TRAF3IP1: variants seen among roughly 807,000 people sequenced by gnomAD.
TRAF3IP1 encodes TRAF3-interacting protein 1.
Under a neutral mutation model 89.9 loss-of-function variants are expected in TRAF3IP1, and 53 were observed. The observed-to-expected ratio is 0.59, with a 90% confidence interval of 0.47 to 0.74. TRAF3IP1 has a LOEUF of 0.74. Ranked by LOEUF, TRAF3IP1 falls within the 30% of genes least tolerant of loss-of-function variation. The pLI, the probability that TRAF3IP1 is intolerant of heterozygous loss-of-function variation, is 0.00. For synonymous variants in TRAF3IP1, 311 were observed against 322.1 expected, an observed-to-expected ratio of 0.97 and a Z score of 0.37; for missense variants, 806 against 866.1, an observed-to-expected ratio of 0.93 and a Z score of 0.87.
intron 3 of TRAF3IP1, among the ~76,000 whole-genome samples, chr2:238,328,226 CT>C (rs1271647132): frequency 6.6e-6 from 1 of 152,154 alleles, no homozygotes; most frequent in African/African-American, 2.4e-5. Flanking sequence ...GCTTCAATTT[CT>C]CCTTATCCTT....
intron 1 of TRAF3IP1, among the ~76,000 whole-genome samples, chr2:238,321,832 G>A (rs1697562568): frequency 1.3e-5 from 2 of 152,208 alleles, no homozygotes; most frequent in Admixed American, 1.3e-4. Context: ...GACCTCACCT[G>A]GTGATGGTCC....
chr2:238,364,378 T>A (rs1448025338), intron 15 of TRAF3IP1, among the ~76,000 whole-genome samples: 1 of 150,520 alleles, frequency 6.6e-6, no homozygotes, highest in Non-Finnish European at 1.5e-5. Flanking sequence ...TAAACTTTGT[T>A]AATAGTAAGA....
intron 15 of TRAF3IP1, among the ~76,000 whole-genome samples, chr2:238,393,254 C>T (rs1169977904): frequency 6.6e-6 from 1 of 152,144 alleles, no homozygotes; most frequent in Non-Finnish European, 1.5e-5. Flanking sequence ...GGTGATGGCT[C>T]ATTGTGGTTT....
chr2:238,380,556 A>G (rs1268222920), intron 15 of TRAF3IP1, among the ~76,000 whole-genome samples: 1 of 152,148 alleles, frequency 6.6e-6, no homozygotes, highest in Non-Finnish European at 1.5e-5. Flanking sequence ...GGCCACTCAC[A>G]GCATCTTCTT....
intron 15 of TRAF3IP1, among the ~76,000 whole-genome samples, chr2:238,365,156 G>C (rs899812508): frequency 3.3e-5 from 5 of 152,152 alleles, no homozygotes; most frequent in Non-Finnish European, 7.3e-5. Context: ...TTGGTGATAG[G>C]AATAGATCCT....
At chr2:238,383,010 T>A (rs1700610377) in intron 15 of TRAF3IP1, among the ~76,000 whole-genome samples, 1 of 151,988 alleles carries the variant, frequency 6.6e-6, no homozygotes, top group Non-Finnish European at 1.5e-5. Context: ...TCCTCACCAC[T>A]CTCGGGCTCC....
intron 6 of TRAF3IP1, among the ~76,000 whole-genome samples, chr2:238,333,134 C>T (rs1267516055): frequency 1.3e-5 from 2 of 152,092 alleles, no homozygotes; most frequent in Non-Finnish European, 2.9e-5. Context: ...TTTACTTATG[C>T]CTTTATATGA....
At chr2:238,393,719 T>C (rs892982562) in intron 15 of TRAF3IP1, among the ~76,000 whole-genome samples, 2 of 152,252 alleles carry the variant, frequency 1.3e-5, no homozygotes, top group African/African-American at 4.8e-5. Context: ...GGCTTATGGA[T>C]GTCCACTTAA....
At chr2:238,390,771 A>G (rs1348481597) in intron 15 of TRAF3IP1, among the ~76,000 whole-genome samples, 5 of 152,042 alleles carry the variant, frequency 3.3e-5, no homozygotes, top group Non-Finnish European at 5.9e-5. Context: ...TTTTCTTGTG[A>G]GGAAGCTGAG....
chr2:238,344,664 C>G (rs775138295), intron 9 of TRAF3IP1, 66 bp downstream of exon 9: 1 of 1,378,878 alleles, frequency 7.3e-7, no homozygotes, highest in Non-Finnish European at 1.0e-6. Context: ...ACCTTCTTCT[C>G]AAAGGGCCGC....
intron 5 of TRAF3IP1, among the ~76,000 whole-genome samples, chr2:238,332,030 T>C (rs1416898367): frequency 1.3e-5 from 2 of 152,214 alleles, no homozygotes; most frequent in African/African-American, 4.8e-5. Context: ...TAAGTTAGAC[T>C]GGCCATGTGG....
chr2:238,337,095 T>A (rs902527123), intron 7 of TRAF3IP1, among the ~76,000 whole-genome samples: 1 of 152,118 alleles, frequency 6.6e-6, no homozygotes, highest in South Asian at 2.1e-4. Flanking sequence ...AGGTGAGGAT[T>A]TCCTACCCTG....
At chr2:238,381,114 T>TG (rs1486474177) in intron 15 of TRAF3IP1, among the ~76,000 whole-genome samples, 1 of 150,720 alleles carries the variant, frequency 6.6e-6, no homozygotes, top group Admixed American at 6.6e-5. Context: ...TGCTTGGGTT[T>TG]TTTTTTTTTT....
chr2:238,356,854 C>A (rs1699435199), intron 15 of TRAF3IP1, among the ~76,000 whole-genome samples: 1 of 151,664 alleles, frequency 6.6e-6, no homozygotes, highest in East Asian at 2.0e-4. Flanking sequence ...TCTCGGCTCA[C>A]TGCAAGCTCC....
chr2:238,351,993 A>G lies in TRAF3IP1; in HGVS notation c.1452-834A>G, dbSNP rs901402379. Among the ~76,000 whole-genome samples, 1 of 152,088 alleles carries G rather than the reference A, an allele frequency of 6.6e-6. No homozygotes were observed. The highest frequency in any genetic ancestry group is 6.6e-5 in the Admixed American group (1 of 15,258). Reference sequence around the variant, plus strand: ...GGGGAGTTAGGTGATTGCTTAAAGCACAAGTGTGTAGGGAAGAAACAAAGG... The same window carrying G: ...GGGGAGTTAGGTGATTGCTTAAAGCGCAAGTGTGTAGGGAAGAAACAAAGG... On this transcript the variant is annotated intron_variant, in intron 12 of 16. Transcript: ENST00000373327. The surrounding 1 kb of genome is among the most constrained non-coding windows in gnomAD (Gnocchi z 5.2).
intron 1 of TRAF3IP1, among the ~76,000 whole-genome samples, chr2:238,324,355 A>G (rs1697706310): frequency 6.6e-6 from 1 of 152,112 alleles, no homozygotes; most frequent in Non-Finnish European, 1.5e-5. Flanking sequence ...GGTGTAAGCC[A>G]CTGTGCCCAG....
intron 8 of TRAF3IP1, among the ~76,000 whole-genome samples, chr2:238,338,834 A>C (rs1440182969): frequency 3.3e-5 from 5 of 152,066 alleles, no homozygotes; most frequent in Non-Finnish European, 4.4e-5. Context: ...CGCAGTAGAG[A>C]TGTTTAAAGT....
intron 15 of TRAF3IP1, among the ~76,000 whole-genome samples, chr2:238,371,823 A>C (rs1251348942): frequency 6.6e-6 from 1 of 152,250 alleles, no homozygotes; most frequent in Non-Finnish European, 1.5e-5. Flanking sequence ...ATTGAAACTA[A>C]TTTCATCTGT....
chr2:238,322,687 C>CAAAAAA (rs71043130), intron 1 of TRAF3IP1, among the ~76,000 whole-genome samples: 4 of 43,582 alleles, frequency 9.2e-5, no homozygotes, highest in East Asian at 1.9e-3. Flanking sequence ...GACCCTGTCT[C>CAAAAAA]AAAAAAAAAA....
Sources: gnomAD v4.1 joint callset for allele counts (sites outside exome capture counted in the v4.1 genomes callset) on GRCh38, gnomAD v4.1.1 for gene constraint, Gnocchi (gnomAD v3.1) non-coding constraint, MANE v1.5 for transcripts, NCBI Gene and HGNC (gene_info 2026-07-23, HGNC 2026-07-21) for gene names.